The following DPP6 variants were observed in gnomAD, a reference collection of about 807,000 sequenced individuals.
DPP6 encodes dipeptidyl peptidase like 6.
In DPP6, 69 loss-of-function variants were observed where a neutral mutation model predicts 122.6. That is an observed-to-expected ratio of 0.56 (90% confidence interval 0.46 to 0.69). The LOEUF is 0.69. Ranked by LOEUF, DPP6 falls within the 30% of genes least tolerant of loss-of-function variation. The probability of loss-of-function intolerance (pLI) is 0.00; values close to 1 mark genes in which losing one functional copy is unlikely to be tolerated. For synonymous variants in DPP6, 418 were observed against 433.1 expected (o/e 0.97, Z 0.43); for missense variants, 928 against 1,116.9 (o/e 0.83, Z 2.41).
At chr7:153,772,943 T>C in the DPP6 span, among the ~76,000 whole-genome samples, 4 of 137,786 alleles carry the variant, frequency 2.9e-5, no homozygotes, top group East Asian at 2.1e-4. Flanking sequence ...AAGACTTTTA[T>C]ATATTATATA....
chr7:154,129,936 CA>C (rs1206081427), intron 1 of DPP6, among the ~76,000 whole-genome samples: 7 of 151,048 alleles, frequency 4.6e-5, no homozygotes, highest in African/African-American at 1.7e-4. Flanking sequence ...ATTAGCTGGG[CA>C]TGGTGACACA....
chr7:154,305,386 G>A, intron 1 of DPP6: 5 of 1,014,076 alleles, frequency 4.9e-6, no homozygotes, highest in Non-Finnish European at 5.9e-6. Flanking sequence ...GATTTCGGAA[G>A]TATGGACTAA....
chr7:154,526,534 G>A (rs1043209795), intron 3 of DPP6, among the ~76,000 whole-genome samples: 3 of 152,156 alleles, frequency 2.0e-5, no homozygotes, highest in Non-Finnish European at 2.9e-5. Context: ...TAGTATAAAT[G>A]AGGAGCTAAA....
intron 1 of DPP6, among the ~76,000 whole-genome samples, chr7:153,936,002 C>T (rs1201548607): frequency 6.6e-6 from 1 of 152,194 alleles, no homozygotes; most frequent in Non-Finnish European, 1.5e-5. Flanking sequence ...ATTTAATTTT[C>T]TTTTATTTCC....
chr7:153,809,650 G>A, the DPP6 span, among the ~76,000 whole-genome samples: 1 of 152,014 alleles, frequency 6.6e-6, no homozygotes, highest in Non-Finnish European at 1.5e-5. Flanking sequence ...TAAAGATAAT[G>A]TGATCACCTA....
At chr7:153,943,868 C>G (rs1801812891) in intron 1 of DPP6, among the ~76,000 whole-genome samples, 1 of 152,150 alleles carries the variant, frequency 6.6e-6, no homozygotes, top group South Asian at 2.1e-4. Context: ...TGATGCTCTG[C>G]TACATTCTTT....
At chr7:154,694,892 G>A (rs889268360) in intron 7 of DPP6, among the ~76,000 whole-genome samples, 3 of 152,034 alleles carry the variant, frequency 2.0e-5, no homozygotes, top group East Asian at 3.9e-4. Context: ...CCTTCTCCTC[G>A]TGCCACACAC....
chr7:154,185,450 C>G (rs1455689583), intron 1 of DPP6, among the ~76,000 whole-genome samples: 1 of 152,122 alleles, frequency 6.6e-6, no homozygotes, highest in African/African-American at 2.4e-5. Flanking sequence ...TCCGTTCCAT[C>G]AGTGCTTAGG....
intron 1 of DPP6, among the ~76,000 whole-genome samples, chr7:153,956,084 T>G (rs1282382604): frequency 6.6e-6 from 1 of 152,130 alleles, no homozygotes; most frequent in Non-Finnish European, 1.5e-5. Flanking sequence ...GAGCAGACAT[T>G]AACCAAGAGT....
At chr7:154,158,316 T>C (rs930284479) in intron 1 of DPP6, among the ~76,000 whole-genome samples, 3 of 151,718 alleles carry the variant, frequency 2.0e-5, no homozygotes, top group African/African-American at 7.3e-5. Flanking sequence ...TTTGGATGGA[T>C]ATTCTAATTT....
At chr7:153,993,544 G>T in intron 1 of DPP6, among the ~76,000 whole-genome samples, 1 of 152,228 alleles carries the variant, frequency 6.6e-6, no homozygotes, top group Non-Finnish European at 1.5e-5. Flanking sequence ...GCTGGTTACT[G>T]TTTGAACCCA....
At chr7:154,655,989 G>A (rs146051843) in intron 6 of DPP6, among the ~76,000 whole-genome samples, 7 of 152,082 alleles carry the variant, frequency 4.6e-5, no homozygotes, top group East Asian at 3.9e-4. Context: ...CACAAACTGC[G>A]TGGCTTAAAA....
At chr7:154,170,190 C>T (rs1013884595) in intron 1 of DPP6, among the ~76,000 whole-genome samples, 5 of 152,162 alleles carry the variant, frequency 3.3e-5, no homozygotes, top group South Asian at 2.1e-4. Flanking sequence ...CCACCCTTGC[C>T]GCAGCTGACC....
the DPP6 span, among the ~76,000 whole-genome samples, chr7:153,798,523 G>A: frequency 9.9e-5 from 15 of 152,152 alleles, no homozygotes; most frequent in African/African-American, 2.4e-4. Context: ...CCTTGGCTAC[G>A]AGGGGATGTG....
At chr7:154,170,974 G>C (rs1433486401) in intron 1 of DPP6, among the ~76,000 whole-genome samples, 1 of 152,164 alleles carries the variant, frequency 6.6e-6, no homozygotes, top group Non-Finnish European at 1.5e-5. Flanking sequence ...TTGGGATTGC[G>C]GTGCTGCCCT....
In DPP6 at chr7:154,651,850, T is replaced by G. The variant is rs1342607414; in HGVS notation, c.680+13977T>G. Among the ~76,000 whole-genome samples the G allele has an allele frequency of 7.2e-5, 11 of 152,132 alleles. No individual in the cohort carries two copies. The East Asian group carries it at 2.1e-3, about 29-fold the overall frequency. The stretch of plus-strand genomic sequence containing the variant: ...GGTCTGTGCCCCCACAGCCCCAGGA[T>G]GCTGGGCGGTTTTCTCCAAGAATTG... On this transcript the variant is annotated intron_variant, in intron 6 of 25. Coordinates refer to ENST00000377770, the MANE Select transcript of DPP6 (RefSeq NM_130797.4).
intron 2 of DPP6, among the ~76,000 whole-genome samples, chr7:154,474,294 A>C (rs992301818): frequency 6.6e-6 from 1 of 152,236 alleles, no homozygotes; most frequent in African/African-American, 2.4e-5. Flanking sequence ...TTAACTAAAC[A>C]TCTCATCTTG....
chr7:154,429,738 G>A (rs869489), intron 1 of DPP6, among the ~76,000 whole-genome samples: 88,183 of 152,040 alleles, frequency 0.58, 27,591 homozygotes, highest in Admixed American at 0.69. Flanking sequence ...TGGAGACCAC[G>A]TTCCTCCCTG....
intron 3 of DPP6, among the ~76,000 whole-genome samples, chr7:154,535,386 AT>A (rs34372202): frequency 0.27 from 39,913 of 149,898 alleles, 5,612 homozygotes; most frequent in Non-Finnish European, 0.29. Flanking sequence ...TTCACTTTAG[AT>A]TTTTTTTTTT....
Sources: gnomAD v4.1 joint callset for allele counts (sites outside exome capture counted in the v4.1 genomes callset) on GRCh38, gnomAD v4.1.1 for gene constraint, MANE v1.5 for transcripts, NCBI Gene and HGNC (gene_info 2026-07-23, HGNC 2026-07-21) for gene names.